The following ABCC5 variants were observed in gnomAD, a reference collection of about 807,000 sequenced individuals.
ABCC5 encodes the protein ATP-binding cassette sub-family C member 5.
Under a neutral mutation model 160.9 loss-of-function variants are expected in ABCC5, and 61 were observed. The ratio of observed to expected loss-of-function variants is 0.38; its 90% CI spans 0.31 to 0.47. The LOEUF (loss-of-function observed/expected upper bound fraction) is 0.47, where lower values mean the gene tolerates loss of function less well. ABCC5 is among the 20% of genes least tolerant of loss of function. ABCC5 has a pLI of 0.99. For missense variants in ABCC5, 1,308 were observed against 1,813.3 expected, an observed-to-expected ratio of 0.72 and a Z score of 5.06; for synonymous variants, 666 against 700.6, an observed-to-expected ratio of 0.95 and a Z score of 0.78.
rs147103581 is a variant in ABCC5, at chr3:183,994,299, A to C, written c.130-4916T>G. Among the ~76,000 whole-genome samples, 761 of 152,310 alleles carry C rather than the reference A, an allele frequency of 5.0e-3. 11 individuals are homozygous for C. Among genetic ancestry groups the C allele is most frequent in the African/African-American group, 0.017 (711 of 41,568 alleles). On this transcript the variant is annotated intron_variant, in intron 2 of 29. Transcript: ENST00000334444. The stretch of plus-strand genomic sequence containing the variant: ...GTTGTCATTGAAATTACTTGACCAC[A>C]GTACCATTTTACATTCCCACTAGCA...
At chr3:183,948,213 T>C (rs1437728709) in intron 22 of ABCC5, among the ~76,000 whole-genome samples, 2 of 152,218 alleles carry the variant, frequency 1.3e-5, no homozygotes, top group Admixed American at 1.3e-4. Context: ...CTTTGAAAAA[T>C]CACTTTTCCT....
intron 17 of ABCC5, among the ~76,000 whole-genome samples, chr3:183,953,569 T>C (rs1715587220): frequency 6.6e-6 from 1 of 152,080 alleles, no homozygotes; most frequent in Non-Finnish European, 1.5e-5. Flanking sequence ...AATCACATAA[T>C]TACAGTGAAA....
chr3:183,940,331 C>G (rs1436387991), intron 25 of ABCC5, among the ~76,000 whole-genome samples: 1 of 133,024 alleles, frequency 7.5e-6, no homozygotes, highest in Non-Finnish European at 1.6e-5. Context: ...AACCCTGTCT[C>G]TACTAAAAAA....
intron 2 of ABCC5, among the ~76,000 whole-genome samples, chr3:184,001,915 G>A (rs1720774939): frequency 6.6e-6 from 1 of 152,192 alleles, no homozygotes; most frequent in Admixed American, 6.6e-5. Context: ...GGCACCCACA[G>A]CAGCTGCTTT....
chr3:184,010,825 T>A, intron 2 of ABCC5, among the ~76,000 whole-genome samples: 1 of 137,058 alleles, frequency 7.3e-6, no homozygotes, highest in South Asian at 2.3e-4. Flanking sequence ...GGAGATGGAG[T>A]CTCACTCTGT....
chr3:183,932,898 C>T (rs916514760), intron 26 of ABCC5, among the ~76,000 whole-genome samples: 12 of 152,134 alleles, frequency 7.9e-5, no homozygotes, highest in African/African-American at 2.4e-4. Flanking sequence ...GGAATGGTGG[C>T]TCATGGCTGT....
intron 26 of ABCC5, among the ~76,000 whole-genome samples, chr3:183,929,476 G>A (rs796865062): frequency 1.1e-4 from 17 of 152,100 alleles, no homozygotes; most frequent in South Asian, 6.2e-4. Context: ...CTCTCCATAC[G>A]TACAAACTTA....
intron 28 of ABCC5, 41 bp from the exon 29 acceptor site, chr3:183,925,760 C>T: frequency 1.3e-6 from 2 of 1,591,164 alleles, no homozygotes; most frequent in Non-Finnish European, 8.6e-7. Flanking sequence ...GATTAAATTC[C>T]TTTAGCATTC....
rs372636122 is a variant in ABCC5, at chr3:183,971,808, T to A, written c.1516A>T (p.Ile506Phe). The change falls in exon 11 of 30, where the codon ATC becomes TTC. Residue 506 changes from isoleucine to phenylalanine, a missense_variant. This residue lies in a region of ABCC5 where 1,142 missense variants were observed against 1,527.1 expected (regional missense o/e 0.75). Transcript: ENST00000334444. The stretch of plus-strand genomic sequence containing the variant: ...GGGGTCAGCTTGGGCGAGTTCTGGA[T>A]ACTGGAGTGGGAGGAGTCCCATGCC... The part of the protein sequence containing the change: ...TLAWDSSHSS[I>F]QNSPKLTPKM... 4 of 1,614,180 alleles carry A rather than the reference T, an allele frequency of 2.5e-6. No homozygotes were observed. The highest frequency in any genetic ancestry group is 3.4e-6 in the Non-Finnish European group (4 of 1,180,038).
rs192764695 is a variant in ABCC5, at chr3:183,977,038, A to T, written c.1404+479T>A. ...CTTCTCAACATGACCTAGTTTTATG[A>T]CTATTTCCATGTAACTGCTTTCCCT... is the stretch of plus-strand genomic sequence containing the variant. On this transcript the variant is annotated intron_variant, in intron 10 of 29. Coordinates refer to ENST00000334444, the MANE Select transcript of ABCC5 (RefSeq NM_005688.4). Among the ~76,000 whole-genome samples, 7 of 152,346 alleles carry T rather than the reference A, an allele frequency of 4.6e-5. No individual in the cohort carries two copies. The East Asian group carries it at 1.2e-3, about 25-fold the overall frequency.
At chr3:183,984,977 TCA>T in intron 5 of ABCC5, 2 of 1,190,102 alleles carry the variant, frequency 1.7e-6, no homozygotes, top group East Asian at 2.5e-5. Context: ...GGTAATAGCA[TCA>T]GCGCCTCCCA....
intron 16 of ABCC5, among the ~76,000 whole-genome samples, chr3:183,960,790 C>CT (rs11438378): frequency 0.6 from 89,471 of 149,462 alleles, 27,746 homozygotes; most frequent in East Asian, 0.86. Flanking sequence ...TCTCTTATGT[C>CT]TTTTTTTTTT....
rs182954957 is a variant in ABCC5 at position 183,988,444 on chromosome 3, C to T, written c.443+128G>A. On this transcript the variant is annotated intron_variant, in intron 4 of 29. Transcript: ENST00000334444. This position sits in a 1 kb window ranked among gnomAD's most constrained non-coding sequence, Gnocchi z 4.4. ...AGCAAAAGAGCAAAGAGAAAGTCAT[C>T]CCCAGGCCGCCCGCCCTCCACTGGA... is the stretch of plus-strand genomic sequence containing the variant. The T allele has an allele frequency of 1.4e-3, 1,628 of 1,180,280 alleles. 3 individuals carry two copies. The highest frequency in any genetic ancestry group is 1.0e-3 in the Non-Finnish European group (864 of 853,106). 73.1% of individuals were successfully genotyped at this position (1,180,280 alleles called of 1,614,324 possible).
intron 2 of ABCC5, among the ~76,000 whole-genome samples, chr3:184,007,208 G>C (rs138673375): frequency 0.062 from 9,306 of 151,144 alleles, 1,009 homozygotes; most frequent in African/African-American, 0.22. Flanking sequence ...TTTTAGTAGA[G>C]GCAGGGTTTC....
In ABCC5 at chr3:183,987,942, T is replaced by C; in HGVS notation, c.444-25A>G. ...TCTTAACAAGGGCACACGTCCTCGT[T>C]ACACATCTCCTCGGGGGAAAGGCAC... On this transcript the variant is annotated intron_variant, in intron 4 of 29. Coordinates refer to ENST00000334444, the MANE Select transcript of ABCC5 (RefSeq NM_005688.4). The surrounding 1 kb of genome is among the most constrained non-coding windows in gnomAD (Gnocchi z 4.2). 1 of 1,610,112 alleles carries C rather than the reference T, an allele frequency of 6.2e-7. No individual in the cohort carries two copies. The highest frequency in any genetic ancestry group is 1.3e-5 in the African/African-American group (1 of 75,022).
chr3:184,014,558 T>C, intron 1 of ABCC5, 111 bp from the exon 2 acceptor site: 1 of 540,200 alleles, frequency 1.9e-6, no homozygotes. Flanking sequence ...GTACTAAAGC[T>C]TTCTACTGTT....
intron 15 of ABCC5, among the ~76,000 whole-genome samples, chr3:183,961,941 G>A (rs1284560593): frequency 1.3e-5 from 2 of 152,154 alleles, no homozygotes; most frequent in Non-Finnish European, 2.9e-5. Flanking sequence ...CACCATGTCT[G>A]GCTAATTTTT....
At chr3:183,924,305 C>A (rs1477484752) in intron 29 of ABCC5, among the ~76,000 whole-genome samples, 1 of 152,166 alleles carries the variant, frequency 6.6e-6, no homozygotes, top group Middle Eastern at 3.2e-3. Flanking sequence ...CAGGCATGAG[C>A]CACCGTGCCC....
At chr3:183,952,124 G>T in intron 18 of ABCC5, 121 bp from the exon 19 acceptor site, 1 of 903,124 alleles carries the variant, frequency 1.1e-6, no homozygotes, top group Non-Finnish European at 1.6e-6. Flanking sequence ...CCTGGGACCT[G>T]GTCATGGCTT....
Sources: gnomAD v4.1 joint callset for allele counts (sites outside exome capture counted in the v4.1 genomes callset) on GRCh38, gnomAD v4.1.1 for gene constraint, gnomAD v4.1.1 regional missense constraint, Gnocchi (gnomAD v3.1) non-coding constraint, MANE v1.5 for transcripts, NCBI Gene and HGNC (gene_info 2026-07-23, HGNC 2026-07-21) for gene names.